The following COBLL1 variants were observed in gnomAD, a reference collection of about 807,000 sequenced individuals.
The protein encoded by COBLL1 is cordon-bleu protein-like 1.
A neutral mutation model predicts 94.8 loss-of-function variants in COBLL1; 50 were observed. The ratio of observed to expected loss-of-function variants is 0.53; its 90% CI spans 0.42 to 0.67. The LOEUF is 0.67. Among genes scored for constraint, COBLL1 ranks in the 30% least tolerant of loss-of-function variants. The pLI is 0.00. For synonymous variants in COBLL1, 448 were observed against 473.8 expected (o/e 0.95, Z 0.71); for missense variants, 1,362 against 1,348.7 (o/e 1.01, Z -0.15).
Position 164,692,334 on chromosome 2 carries a change from A to C in COBLL1, c.3187T>G (p.Phe1063Val). 1 of 1,613,528 alleles carries C rather than the reference A, an allele frequency of 6.2e-7. No homozygotes were observed. Among genetic ancestry groups the C allele is most frequent in the Non-Finnish European group, 8.5e-7 (1 of 1,179,596 alleles). Residue 1063 changes from phenylalanine to valine, a missense_variant, in exon 13 of 14, where the codon TTC becomes GTC. Transcript: ENST00000652658. Reference protein sequence around the residue: ...QIPTPTDGPSFTVMRQSSLTF... With the variant: ...QIPTPTDGPSVTVMRQSSLTF... Reference sequence around the variant, plus strand: ...AAAGAACTTTGTCTCATAACAGTGAATGATGGGCCATCAGTTGGAGTTGGT... The same window carrying C: ...AAAGAACTTTGTCTCATAACAGTGACTGATGGGCCATCAGTTGGAGTTGGT...
intron 2 of COBLL1, among the ~76,000 whole-genome samples, chr2:164,823,453 C>T (rs537459041): frequency 2.6e-4 from 39 of 152,258 alleles, no homozygotes; most frequent in Non-Finnish European, 5.4e-4. Context: ...AGTTTCTTCA[C>T]CCTTCAAGGA....
In COBLL1 at chr2:164,705,051, A is replaced by G; in HGVS notation, c.1051T>C (p.Ser351Pro). ...RAGSLQLSSMSAGNSSLRRTK... is the reference protein window; with the variant it reads ...RAGSLQLSSMPAGNSSLRRTK... ...CTTCTCAAAGATGAATTCCCTGCAG[A>G]CATGCTGCTGAGCTGCAGTGAACCT... Residue 351 changes from serine (S) to proline (P), a missense_variant, in exon 8 of 14, where the codon TCT (serine) becomes CCT (proline). Ser to Pro is a moderately conservative substitution (Grantham distance 74). Coordinates refer to ENST00000652658, the MANE Select transcript of COBLL1 (RefSeq NM_001365672.2). 1 of 1,602,526 alleles carries G rather than the reference A, an allele frequency of 6.2e-7. No homozygotes were observed. The highest frequency in any genetic ancestry group is 8.5e-7 in the Non-Finnish European group (1 of 1,174,596).
intron 2 of COBLL1, among the ~76,000 whole-genome samples, chr2:164,789,013 A>C (rs1278718985): frequency 6.7e-6 from 1 of 148,762 alleles, no homozygotes; most frequent in East Asian, 2.0e-4. Context: ...GTAGGAGTAG[A>C]GGTTTAAACA....
intron 2 of COBLL1, among the ~76,000 whole-genome samples, chr2:164,822,268 T>A (rs1399338883): frequency 6.6e-6 from 1 of 152,156 alleles, no homozygotes; most frequent in African/African-American, 2.4e-5. Flanking sequence ...TCATAATAAG[T>A]CACACGTTTA....
chr2:164,763,084 A>C (rs959111323), intron 2 of COBLL1, among the ~76,000 whole-genome samples: 6 of 152,162 alleles, frequency 3.9e-5, no homozygotes, highest in African/African-American at 1.4e-4. Context: ...GCTTTCACAC[A>C]ATAACAGAGT....
intron 2 of COBLL1, among the ~76,000 whole-genome samples, chr2:164,799,339 A>G (rs115082531): frequency 0.011 from 1,679 of 152,282 alleles, 12 homozygotes; most frequent in Middle Eastern, 0.048. Flanking sequence ...AAATACTTCC[A>G]TATAATAGCA....
At chr2:164,696,535 T>C (rs1457762118) in intron 11 of COBLL1, 2 of 152,176 alleles carry the variant, frequency 1.3e-5, no homozygotes, top group African/African-American at 4.8e-5. Flanking sequence ...ATGGTTTTGA[T>C]TTTTCTCTGT....
chr2:164,807,794 G>C (rs1684250900), intron 2 of COBLL1, among the ~76,000 whole-genome samples: 1 of 151,750 alleles, frequency 6.6e-6, no homozygotes, highest in East Asian at 1.9e-4. Context: ...GTTTATTTTT[G>C]TTTGAGCTTT....
At chr2:164,779,670 TTCTC>T (rs891724208) in intron 2 of COBLL1, 22 of 470,992 alleles carry the variant, frequency 4.7e-5, no homozygotes, top group African/African-American at 2.6e-4. Context: ...GGCAGGGATA[TTCTC>T]TCTGAGTCTC....
At chr2:164,802,013 T>C (rs1470019553) in intron 2 of COBLL1, among the ~76,000 whole-genome samples, 1 of 152,228 alleles carries the variant, frequency 6.6e-6, no homozygotes, top group Non-Finnish European at 1.5e-5. Flanking sequence ...GCATTTGAAG[T>C]AAATATGAAA....
At chr2:164,773,998 TAAA>T (rs1489561762) in intron 2 of COBLL1, among the ~76,000 whole-genome samples, 6 of 152,202 alleles carry the variant, frequency 3.9e-5, no homozygotes, top group African/African-American at 1.4e-4. Context: ...CAAGCAATTT[TAAA>T]ATTGGAGAAT....
chr2:164,809,365 A>G (rs1026719542), intron 2 of COBLL1, among the ~76,000 whole-genome samples: 13 of 152,036 alleles, frequency 8.6e-5, no homozygotes, highest in Non-Finnish European at 1.6e-4. Context: ...ATGTAACAAA[A>G]TGTCCCTAGC....
chr2:164,673,678 A>AC (rs965936653), intron 1 of COBLL1, among the ~76,000 whole-genome samples: 62 of 152,168 alleles, frequency 4.1e-4, no homozygotes, highest in Middle Eastern at 3.2e-3. Context: ...TCAAAAAAAT[A>AC]AAAATAAATA....
At chr2:164,754,682 C>A (rs1202368850) in intron 2 of COBLL1, among the ~76,000 whole-genome samples, 1 of 152,228 alleles carries the variant, frequency 6.6e-6, no homozygotes, top group East Asian at 1.9e-4. Flanking sequence ...CTGCTCCTGG[C>A]ATCACCTACA....
rs768505658 is a variant in COBLL1, at chr2:164,722,213, C to T, written c.858G>A (p.Pro286=). ...CCCGCCTCTTCTTGGGTGCATCCGACGGCAGGGTGTTGGAAATATATGGTT... is the reference window on the plus strand; with the variant it reads ...CCCGCCTCTTCTTGGGTGCATCCGATGGCAGGGTGTTGGAAATATATGGTT... The part of the protein sequence containing the change: ...ISKPYISNTL[P]SDAPKKRRAP... The change falls in exon 7 of 14, where the codon CCG becomes CCA. Residue 286 remains proline, a synonymous_variant. Coordinates refer to ENST00000652658, the MANE Select transcript of COBLL1 (RefSeq NM_001365672.2). 4.2e-5 allele frequency: 68 copies of T among 1,613,838 alleles called. No individual in the cohort carries two copies. The highest frequency in any genetic ancestry group is 6.6e-5 in the South Asian group (6 of 91,070).
intron 5 of COBLL1, chr2:164,725,135 A>ATGT (rs1558956204): frequency 1.7e-5 from 1 of 57,194 alleles, no homozygotes; most frequent in African/African-American, 7.8e-5. Context: ...TATATATATA[A>ATGT]AATGAAAGCA....
rs1416642713 is a variant in COBLL1, at chr2:164,682,581, C to T, written c.*3365G>A. ...GTGGCCAAGGCCAGATCTGGCAGTT[C>T]ATGAAGAGGTGAAATCGGAAGAAGG... On this transcript the variant is annotated 3_prime_UTR_variant, in exon 14 of 14. Coordinates refer to ENST00000652658, the MANE Select transcript of COBLL1 (RefSeq NM_001365672.2). The T allele has an allele frequency of 6.6e-6, 1 of 152,114 alleles. No individual in the cohort carries two copies. Among genetic ancestry groups the T allele is most frequent in the Non-Finnish European group, 1.5e-5 (1 of 68,022 alleles). 9.4% of individuals were successfully genotyped at this position (152,114 alleles called of 1,614,324 possible). A position where few individuals can be genotyped will look rare whatever the true frequency, so the allele number is the denominator to read the frequency against.
At chr2:164,669,404 T>C (rs1480729859) in intron 1 of COBLL1, among the ~76,000 whole-genome samples, 1 of 152,176 alleles carries the variant, frequency 6.6e-6, no homozygotes, top group Non-Finnish European at 1.5e-5. Context: ...ACTTATAGAG[T>C]TTGGCTTGTC....
At chr2:164,815,092 G>T (rs1231601958) in intron 2 of COBLL1, among the ~76,000 whole-genome samples, 2 of 152,064 alleles carry the variant, frequency 1.3e-5, no homozygotes, top group Admixed American at 6.6e-5. Context: ...TAGCAGGAAA[G>T]TGAGGTCAGA....
Sources: gnomAD v4.1 joint callset for allele counts (sites outside exome capture counted in the v4.1 genomes callset) on GRCh38, gnomAD v4.1.1 for gene constraint, MANE v1.5 for transcripts, NCBI Gene and HGNC (gene_info 2026-07-23, HGNC 2026-07-21) for gene names.